WNT2: variants seen among roughly 807,000 people sequenced by gnomAD.
The protein encoded by WNT2 is protein Wnt-2.
In WNT2, 12 loss-of-function variants were observed where a neutral mutation model predicts 36.9. The observed-to-expected ratio is 0.33, with a 90% CI of 0.21 to 0.53. The LOEUF (loss-of-function observed/expected upper bound fraction) is 0.53. Ranked by LOEUF, WNT2 falls within the 20% of genes least tolerant of loss-of-function variation. The probability of loss-of-function intolerance (pLI) is 0.95; values close to 1 mark genes in which losing one functional copy is unlikely to be tolerated. For missense variants in WNT2, 379 were observed against 473.1 expected (o/e 0.80, Z 1.84); for synonymous variants, 163 against 174.6 (o/e 0.93, Z 0.52).
At chr7:117,303,429 G>A (rs370711152) in intron 3 of WNT2, among the ~76,000 whole-genome samples, 2 of 152,172 alleles carry the variant, frequency 1.3e-5, no homozygotes, top group Non-Finnish European at 2.9e-5. Flanking sequence ...TGAAAGATGG[G>A]TGGTGGCCAG....
chr7:117,320,906 CCTT>C, intron 1 of WNT2, 113 bp from the exon 2 acceptor site: 1 of 913,872 alleles, frequency 1.1e-6, no homozygotes, highest in Non-Finnish European at 1.7e-6. Flanking sequence ...AATTCCTTAT[CCTT>C]CTGGTGATAT....
At position 117,320,673 on chromosome 7, in the gene WNT2, G is replaced by A. The variant is rs779079237; in HGVS notation, c.204C>T (p.Gly68=). 2.4e-5 allele frequency: 38 copies of A among 1,613,898 alleles called. 1 individual carries two copies. The highest frequency in any genetic ancestry group is 1.9e-4 in the South Asian group (17 of 90,970). Reference sequence around the variant, plus strand: ...GGCATTCTGCTGTCCACTCGGCCACGCCCTGGCTAATGGCACGCATCACAT... The same window carrying A: ...GGCATTCTGCTGTCCACTCGGCCACACCCTGGCTAATGGCACGCATCACAT... The part of the protein sequence containing the change: ...HPDVMRAISQ[G]VAEWTAECQH... Residue 68 remains glycine, a synonymous_variant, in exon 2 of 5, where the codon GGC becomes GGT. Coordinates refer to ENST00000265441, the MANE Select transcript of WNT2 (RefSeq NM_003391.3).
intron 3 of WNT2, among the ~76,000 whole-genome samples, chr7:117,308,811 C>T (rs1033430992): frequency 3.3e-5 from 5 of 152,028 alleles, no homozygotes; most frequent in South Asian, 2.1e-4. Flanking sequence ...ATTTCTTTGT[C>T]ATCATGCCCC....
intron 3 of WNT2, among the ~76,000 whole-genome samples, chr7:117,302,553 C>T (rs1563203178): frequency 6.6e-6 from 1 of 152,100 alleles, no homozygotes; most frequent in Non-Finnish European, 1.5e-5. Context: ...TATCCTTGAC[C>T]TGGTGATTCC....
intron 4 of WNT2, among the ~76,000 whole-genome samples, chr7:117,280,367 T>C (rs898937320): frequency 6.6e-6 from 1 of 152,120 alleles, no homozygotes; most frequent in Non-Finnish European, 1.5e-5. Flanking sequence ...AAACATTTAG[T>C]GAACATAAAC....
In WNT2 at chr7:117,320,643, G is replaced by C. The variant is rs146334209; in HGVS notation, c.234C>G (p.His78Gln). 6.2e-7 allele frequency: 1 copy of C among 1,614,018 alleles called. No individual in the cohort carries two copies. Among genetic ancestry groups the C allele is most frequent in the South Asian group, 1.1e-5 (1 of 90,996 alleles). ...AATTCCAGCGGTGCTGGCGGAACTG[G>C]TGCTGGCATTCTGCTGTCCACTCGG... is the stretch of plus-strand genomic sequence containing the variant. ...GVAEWTAECQ[H>Q]QFRQHRWNCN... is the part of the protein sequence containing the mutation. The change falls in exon 2 of 5, where the codon CAC (histidine) becomes CAG (glutamine). Residue 78 changes from histidine (H) to glutamine (Q), a missense_variant. His to Gln is a conservative substitution (Grantham distance 24, BLOSUM62 0). Coordinates refer to ENST00000265441, the MANE Select transcript of WNT2 (RefSeq NM_003391.3).
At chr7:117,294,269 G>A (rs1226472943) in intron 4 of WNT2, among the ~76,000 whole-genome samples, 1 of 152,144 alleles carries the variant, frequency 6.6e-6, no homozygotes, top group Non-Finnish European at 1.5e-5. Flanking sequence ...ATGGATGGAA[G>A]CAGGTTTTCT....
intron 4 of WNT2, among the ~76,000 whole-genome samples, chr7:117,280,119 C>T (rs141336110): frequency 6.6e-4 from 101 of 151,974 alleles, no homozygotes; most frequent in African/African-American, 2.3e-3. Flanking sequence ...GAAGACTGGC[C>T]GGGGAACTTC....
chr7:117,292,437 T>C (rs1407420035), intron 4 of WNT2, among the ~76,000 whole-genome samples: 2 of 152,216 alleles, frequency 1.3e-5, no homozygotes, highest in African/African-American at 4.8e-5. Context: ...TTTCCTTCTC[T>C]ATAAATGGAG....
At chr7:117,282,479 G>C (rs906870812) in intron 4 of WNT2, among the ~76,000 whole-genome samples, 3 of 151,590 alleles carry the variant, frequency 2.0e-5, no homozygotes, top group Middle Eastern at 3.4e-3. Context: ...GGGAGGAGGA[G>C]AAAGAAGAAA....
intron 3 of WNT2, among the ~76,000 whole-genome samples, chr7:117,309,600 C>T (rs1314436638): frequency 1.3e-5 from 2 of 152,208 alleles, no homozygotes; most frequent in East Asian, 3.8e-4. Flanking sequence ...ACCCCTGAGG[C>T]TTGCTTACCA....
At chr7:117,305,517 C>T (rs190692209) in intron 3 of WNT2, among the ~76,000 whole-genome samples, 6 of 152,192 alleles carry the variant, frequency 3.9e-5, no homozygotes, top group African/African-American at 9.6e-5. Context: ...TTTTCTTTCA[C>T]GCTGCTGTAT....
At position 117,320,643 on chromosome 7, in the gene WNT2, G is replaced by T; in HGVS notation, c.234C>A (p.His78Gln). The T allele has an allele frequency of 6.2e-7, 1 of 1,614,018 alleles. No homozygotes were observed. The highest frequency in any genetic ancestry group is 8.5e-7 in the Non-Finnish European group (1 of 1,179,988). Reference sequence around the variant, plus strand: ...AATTCCAGCGGTGCTGGCGGAACTGGTGCTGGCATTCTGCTGTCCACTCGG... The same window carrying T: ...AATTCCAGCGGTGCTGGCGGAACTGTTGCTGGCATTCTGCTGTCCACTCGG... ...GVAEWTAECQ[H>Q]QFRQHRWNCN... The change falls in exon 2 of 5, where the codon CAC becomes CAA. Residue 78 changes from histidine to glutamine, a missense_variant. By Grantham distance (24) the His-to-Gln change is conservative. Transcript: ENST00000265441.
intron 4 of WNT2, among the ~76,000 whole-genome samples, chr7:117,290,926 T>G (rs1794678107): frequency 6.6e-6 from 1 of 152,238 alleles, no homozygotes; most frequent in East Asian, 1.9e-4. Flanking sequence ...ACTTCACATA[T>G]TAGTATCTAA....
intron 3 of WNT2, among the ~76,000 whole-genome samples, chr7:117,303,924 G>A (rs1232490802): frequency 6.6e-6 from 1 of 152,090 alleles, no homozygotes; most frequent in African/African-American, 2.4e-5. Context: ...TCATTTACTG[G>A]GGGCAGCCAC....
chr7:117,318,654 C>T (rs1356735276), intron 2 of WNT2, among the ~76,000 whole-genome samples: 1 of 152,198 alleles, frequency 6.6e-6, no homozygotes, highest in African/African-American at 2.4e-5. Context: ...TTTCATTCCT[C>T]AGCCTCCCAA....
chr7:117,297,051 C>A (rs1794804002), intron 4 of WNT2, among the ~76,000 whole-genome samples: 1 of 152,166 alleles, frequency 6.6e-6, no homozygotes, highest in African/African-American at 2.4e-5. Flanking sequence ...ATGAAAGATG[C>A]TGGGCTGCTC....
chr7:117,277,970 G>A lies in WNT2; in HGVS notation c.*185C>T. The A allele has an allele frequency of 1.6e-6, 1 of 621,856 alleles. No individual in the cohort carries two copies. The highest frequency in any genetic ancestry group is 2.8e-6 in the Non-Finnish European group (1 of 353,730). The allele number at this position is 621,856 out of a possible 1,614,324, so 38.5% of individuals were successfully genotyped here. A position where few individuals can be genotyped will look rare whatever the true frequency, so the allele number is the denominator to read the frequency against. On this transcript the variant is annotated 3_prime_UTR_variant, in exon 5 of 5. Transcript: ENST00000265441. ...ACCAGGAGATGGATAGAATAGGGTAGGCTTTAGGTGCAGCGTGTGGCCCCC... is the reference window on the plus strand; with the variant it reads ...ACCAGGAGATGGATAGAATAGGGTAAGCTTTAGGTGCAGCGTGTGGCCCCC...
At chr7:117,278,987 A>G (rs775075648) in intron 4 of WNT2, among the ~76,000 whole-genome samples, 1 of 152,192 alleles carries the variant, frequency 6.6e-6, no homozygotes, top group South Asian at 2.1e-4. Flanking sequence ...GGTTTATCAT[A>G]TTAACTGTCT....
Sources: gnomAD v4.1 joint callset for allele counts (sites outside exome capture counted in the v4.1 genomes callset) on GRCh38, gnomAD v4.1.1 for gene constraint, MANE v1.5 for transcripts, NCBI Gene and HGNC (gene_info 2026-07-23, HGNC 2026-07-21) for gene names.